Variants in TM9SF2 observed in about 807,000 individuals in gnomAD.
TM9SF2 encodes transmembrane 9 superfamily member 2, also known as 76 kDa membrane protein.
TM9SF2 carries 13 observed loss-of-function variants against 84.9 expected under a neutral mutation model. That is an observed-to-expected ratio of 0.15 (90% CI 0.10 to 0.24). The LOEUF is 0.24. Ranked by LOEUF, TM9SF2 falls within the 10% of genes least tolerant of loss-of-function variation. The pLI, the probability that TM9SF2 is intolerant of heterozygous loss-of-function variation, is 1.00. For synonymous variants in TM9SF2, 273 were observed against 285.8 expected (o/e 0.96, Z 0.45); for missense variants, 562 against 818.5 (o/e 0.69, Z 3.82).
At position 99,555,621 on chromosome 13, in the gene TM9SF2, C is replaced by A; in HGVS notation, c.1726C>A (p.Leu576Ile). ...TACCTGTTCTGAAGCAACTATACTT[C>A]TTTGCTATTTCCACCTATGTGCAGA... ...VITCSEATILLCYFHLCAEDY... is the reference protein window; with the variant it reads ...VITCSEATILICYFHLCAEDY... Residue 576 changes from leucine to isoleucine, a missense_variant, in exon 15 of 17, where the codon CTT (leucine) becomes ATT (isoleucine). Physicochemically the swap from Leu to Ile is conservative, Grantham distance 5. Transcript: ENST00000376387. The A allele has an allele frequency of 1.2e-6, 2 of 1,613,652 alleles. No homozygotes were observed. Among genetic ancestry groups the A allele is most frequent in the Non-Finnish European group, 1.7e-6 (2 of 1,179,636 alleles).
intron 4 of TM9SF2, among the ~76,000 whole-genome samples, chr13:99,531,036 G>A (rs1013088610): frequency 2.0e-5 from 3 of 151,716 alleles, no homozygotes; most frequent in African/African-American, 7.3e-5. Flanking sequence ...AATTTTTATA[G>A]TTTTAGTAGA....
chr13:99,547,791 G>A (rs78484084), intron 11 of TM9SF2, among the ~76,000 whole-genome samples: 144 of 152,294 alleles, frequency 9.5e-4, no homozygotes, highest in Non-Finnish European at 1.5e-3. Context: ...CCACAGTCTC[G>A]TCTGGGATAT....
At chr13:99,538,087 TG>T (rs1004554235) in intron 6 of TM9SF2, among the ~76,000 whole-genome samples, 1 of 152,228 alleles carries the variant, frequency 6.6e-6, no homozygotes, top group Non-Finnish European at 1.5e-5. Flanking sequence ...CTTAGTGTTT[TG>T]TTTTTCAGTC....
chr13:99,519,732 C>T (rs959483134), intron 2 of TM9SF2: 5 of 193,846 alleles, frequency 2.6e-5, no homozygotes, highest in African/African-American at 4.7e-5. Context: ...TAATAAGGAT[C>T]TAAATAATTT....
rs991687036 is a variant in TM9SF2 at position 99,549,356 on chromosome 13, G to A, written c.1328+134G>A. On this transcript the variant is annotated intron_variant, in intron 12 of 16. Transcript: ENST00000376387. The stretch of plus-strand genomic sequence containing the variant: ...AAAGTAAATTTAATTTTTGAAAAGG[G>A]GTAAAATAAATATTTTATAAACGTT... The A allele has an allele frequency of 6.2e-5, 40 of 645,752 alleles. No homozygotes were observed. In the African/African-American group the frequency reaches 7.0e-4, roughly 11 times the overall value. 40.0% of individuals were successfully genotyped at this position (645,752 alleles called of 1,614,324 possible).
chr13:99,559,386 A>C lies in TM9SF2; in HGVS notation c.1776A>C (p.Ser592=), dbSNP rs911229829. 2 of 1,596,624 alleles carry C rather than the reference A, an allele frequency of 1.3e-6. No individual in the cohort carries two copies. The highest frequency in any genetic ancestry group is 1.7e-6 in the Non-Finnish European group (2 of 1,174,154). The change falls in exon 16 of 17, where the codon TCA becomes TCC. Residue 592 remains serine, a synonymous_variant. Coordinates refer to ENST00000376387, the MANE Select transcript of TM9SF2 (RefSeq NM_004800.3). The part of the protein sequence containing the change: ...CAEDYHWQWR[S]FLTSGFTAVY... Reference sequence around the variant, plus strand: ...AGGATTATCATTGGCAATGGCGTTCATTCCTTACGAGTGGCTTTACTGCAG... The same window carrying C: ...AGGATTATCATTGGCAATGGCGTTCCTTCCTTACGAGTGGCTTTACTGCAG...
chr13:99,537,205 G>C (rs900387926), intron 5 of TM9SF2, among the ~76,000 whole-genome samples: 1 of 152,014 alleles, frequency 6.6e-6, no homozygotes, highest in Non-Finnish European at 1.5e-5. Flanking sequence ...AACTAGGTGG[G>C]GATATATATT....
intron 3 of TM9SF2, among the ~76,000 whole-genome samples, chr13:99,524,388 G>C (rs1274987842): frequency 6.6e-6 from 1 of 152,078 alleles, no homozygotes; most frequent in Non-Finnish European, 1.5e-5. Context: ...GTGGAGTGTG[G>C]AGTTTCTATT....
intron 5 of TM9SF2, 146 bp from the exon 6 acceptor site, chr13:99,537,593 A>G (rs1394442834): frequency 8.0e-6 from 5 of 626,030 alleles, no homozygotes; most frequent in African/African-American, 7.7e-5. Context: ...GAGTTTAAGT[A>G]TAAAATTGAA....
At chr13:99,510,460 C>T (rs578160128) in intron 1 of TM9SF2, among the ~76,000 whole-genome samples, 5 of 152,274 alleles carry the variant, frequency 3.3e-5, no homozygotes, top group South Asian at 2.1e-4. Context: ...TTAATTGGCT[C>T]ACGATTCTGC....
intron 3 of TM9SF2, among the ~76,000 whole-genome samples, chr13:99,523,469 G>C (rs1335075697): frequency 6.6e-6 from 1 of 152,164 alleles, no homozygotes; most frequent in South Asian, 2.1e-4. Context: ...TTTTAGATCT[G>C]CTGTAAAAAC....
At chr13:99,512,545 G>A (rs1000286028) in intron 1 of TM9SF2, among the ~76,000 whole-genome samples, 3 of 152,118 alleles carry the variant, frequency 2.0e-5, no homozygotes, top group East Asian at 3.9e-4. Context: ...GGGAGGAAAG[G>A]GTGTGAAAAC....
intron 9 of TM9SF2, 34 bp from the exon 10 acceptor site, chr13:99,543,829 T>C (rs774585599): frequency 1.2e-6 from 2 of 1,609,624 alleles, no homozygotes; most frequent in East Asian, 2.2e-5. Context: ...GTTGATACCA[T>C]GAGACAATCG....
chr13:99,501,621 G>T lies in TM9SF2; in HGVS notation c.15G>T (p.Leu5=), dbSNP rs1694585656. The change falls in exon 1 of 17, where the codon CTG becomes CTT. Residue 5 remains leucine, a synonymous_variant. Coordinates refer to ENST00000376387, the MANE Select transcript of TM9SF2 (RefSeq NM_004800.3). The part of the protein sequence containing the change: MSAR[L]PVLSPPRWPR... ...AAACAACTATCATGAGCGCGAGGCTGCCGGTGTTGTCTCCACCTCGGTGGC... is the reference window on the plus strand; with the variant it reads ...AAACAACTATCATGAGCGCGAGGCTTCCGGTGTTGTCTCCACCTCGGTGGC... The T allele has an allele frequency of 6.2e-7, 1 of 1,612,370 alleles. No homozygotes were observed. The highest frequency in any genetic ancestry group is 8.5e-7 in the Non-Finnish European group (1 of 1,179,304).
chr13:99,556,591 C>CAAT (rs2046325645), intron 15 of TM9SF2, among the ~76,000 whole-genome samples: 1 of 108,772 alleles, frequency 9.2e-6, no homozygotes, highest in Non-Finnish European at 1.9e-5. Context: ...TTTTTTTTTC[C>CAAT]TTTTTTTCTT....
intron 1 of TM9SF2, among the ~76,000 whole-genome samples, chr13:99,509,367 C>T (rs1190090098): frequency 3.3e-5 from 5 of 152,228 alleles, no homozygotes; most frequent in Non-Finnish European, 7.3e-5. Context: ...ATTTCCCCTC[C>T]ACACTGCCCT....
intron 10 of TM9SF2, among the ~76,000 whole-genome samples, chr13:99,544,898 C>T (rs951725334): frequency 1.3e-5 from 2 of 151,810 alleles, no homozygotes; most frequent in African/African-American, 2.4e-5. Context: ...ATAAATGTTC[C>T]TTAGAGGTAT....
Position 99,547,072 on chromosome 13 carries a change from C to T in TM9SF2, c.1238C>T (p.Pro413Leu). The T allele has an allele frequency of 6.2e-7, 1 of 1,614,180 alleles. No individual in the cohort carries two copies. Among genetic ancestry groups the T allele is most frequent in the Non-Finnish European group, 8.5e-7 (1 of 1,180,036 alleles). ...AVVLWVLLGTPAGYVAARFYK... is the reference protein window; with the variant it reads ...AVVLWVLLGTLAGYVAARFYK... ...GTCCTGTGGGTGCTGCTGGGCACCC[C>T]TGCAGGCTATGTTGCTGCCAGATTC... Residue 413 changes from proline to leucine, a missense_variant, in exon 11 of 17, where the codon CCT becomes CTT. Transcript: ENST00000376387.
Position 99,543,969 on chromosome 13 carries a change from T to C in TM9SF2, c.1124T>C (p.Ile375Thr). Residue 375 changes from isoleucine (I) to threonine (T), a missense_variant, in exon 10 of 17, where the codon ATT (isoleucine) becomes ACT (threonine). This residue lies in a region of TM9SF2 where 219 missense variants were observed against 338.1 expected (regional missense o/e 0.65). Transcript: ENST00000376387. ...GTCTTTCTAGGATCCGGGACACAGA[T>C]TTTAATTATGACCTTTGTGACTCTA... The part of the protein sequence containing the change: ...LSVFLGSGTQ[I>T]LIMTFVTLFF... The C allele has an allele frequency of 1.2e-6, 2 of 1,614,142 alleles. No individual in the cohort carries two copies. Among genetic ancestry groups the C allele is most frequent in the Non-Finnish European group, 1.7e-6 (2 of 1,179,994 alleles).
Sources: gnomAD v4.1 joint callset for allele counts (sites outside exome capture counted in the v4.1 genomes callset) on GRCh38, gnomAD v4.1.1 for gene constraint, gnomAD v4.1.1 regional missense constraint, MANE v1.5 for transcripts, NCBI Gene and HGNC (gene_info 2026-07-23, HGNC 2026-07-21) for gene names.